The following PDE1C variants were observed in gnomAD, a reference collection of about 807,000 sequenced individuals.
PDE1C encodes dual specificity calcium/calmodulin-dependent 3',5'-cyclic nucleotide phosphodiesterase 1C.
PDE1C carries 62 observed loss-of-function variants against 93.1 expected under a neutral mutation model. That is an observed-to-expected ratio of 0.67 (90% CI 0.54 to 0.82). The LOEUF (loss-of-function observed/expected upper bound fraction) is 0.82, where lower values mean the gene tolerates loss of function less well. Among genes scored for constraint, PDE1C ranks in the 40% least tolerant of loss-of-function variants. The probability of loss-of-function intolerance (pLI) is 0.00; values close to 1 mark genes in which losing one functional copy is unlikely to be tolerated. For missense variants in PDE1C, 742 were observed against 884.6 expected (o/e 0.84, Z 2.04); for synonymous variants, 325 against 310.1 (o/e 1.05, Z -0.50).
At chr7:32,257,020 C>T (rs1809847559) in intron 1 of PDE1C, among the ~76,000 whole-genome samples, 1 of 152,122 alleles carries the variant, frequency 6.6e-6, no homozygotes, top group Non-Finnish European at 1.5e-5. Context: ...CTGCATTCCA[C>T]AAGCATATGC....
chr7:32,404,849 C>T (rs931059371), intron 1 of PDE1C, among the ~76,000 whole-genome samples: 3 of 152,198 alleles, frequency 2.0e-5, no homozygotes, highest in South Asian at 2.1e-4. Context: ...CATGAACTGG[C>T]GTTGCACAGG....
Position 31,909,942 on chromosome 7 carries a change from C to T in PDE1C, c.129-29082G>A, listed in dbSNP as rs553129121. Among the ~76,000 whole-genome samples, 21 of 152,250 alleles carry T rather than the reference C, an allele frequency of 1.4e-4. 1 individual carries two copies. The highest frequency in any genetic ancestry group is 5.1e-4 in the African/African-American group (21 of 41,544). ...TGCAGTGTAGCATGTTTAACAATAT[C>T]CCTGGTCTCTACCCACGAGATGCCA... On this transcript the variant is annotated intron_variant, in intron 2 of 17. Coordinates refer to ENST00000396191, the MANE Select transcript of PDE1C (RefSeq NM_001191057.4).
chr7:32,083,169 G>A (rs1175184227), intron 3 of PDE1C, among the ~76,000 whole-genome samples: 1 of 152,210 alleles, frequency 6.6e-6, no homozygotes, highest in Non-Finnish European at 1.5e-5. Context: ...GGAGGATGAA[G>A]CTGAAAGCCA....
At chr7:31,957,305 T>C (rs1435223407) in intron 2 of PDE1C, among the ~76,000 whole-genome samples, 4 of 151,958 alleles carry the variant, frequency 2.6e-5, no homozygotes, top group Non-Finnish European at 5.9e-5. Flanking sequence ...AGCCAGCTTG[T>C]AGCTATCAGG....
chr7:31,980,977 T>C (rs2129059260), intron 2 of PDE1C, among the ~76,000 whole-genome samples: 1 of 152,252 alleles, frequency 6.6e-6, no homozygotes, highest in East Asian at 1.9e-4. Context: ...CTTAACTCAA[T>C]CACACATGCA....
At chr7:32,082,069 C>T (rs1029147394) in intron 3 of PDE1C, among the ~76,000 whole-genome samples, 2 of 152,244 alleles carry the variant, frequency 1.3e-5, no homozygotes, top group Non-Finnish European at 2.9e-5. Context: ...CATTGCCTCA[C>T]TCCAGAAGTG....
At chr7:32,048,906 AG>A (rs1792971955) in intron 2 of PDE1C, among the ~76,000 whole-genome samples, 1 of 152,184 alleles carries the variant, frequency 6.6e-6, no homozygotes, top group African/African-American at 2.4e-5. Context: ...AAATAAAAAA[AG>A]GCAACAGCAT....
upstream of PDE1C, chr7:32,070,948 C>T: frequency 1.0e-6 from 1 of 985,476 alleles, no homozygotes; most frequent in Non-Finnish European, 1.2e-6. Flanking sequence ...GCCGCGCCTG[C>T]CTTCGCGCCC....
At chr7:31,846,812 C>A (rs1292677424) in intron 9 of PDE1C, among the ~76,000 whole-genome samples, 1 of 152,072 alleles carries the variant, frequency 6.6e-6, no homozygotes, top group African/African-American at 2.4e-5. Context: ...TTGAATTGCT[C>A]TGCATTTTTC....
intron 1 of PDE1C, among the ~76,000 whole-genome samples, chr7:32,227,332 C>T (rs375452450): frequency 2.1e-4 from 32 of 152,282 alleles, no homozygotes; most frequent in African/African-American, 6.7e-4. Context: ...ATACCACCCA[C>T]GACATGATGT....
chr7:31,869,803 A>G (rs1407092389), intron 6 of PDE1C, among the ~76,000 whole-genome samples: 1 of 152,118 alleles, frequency 6.6e-6, no homozygotes, highest in Non-Finnish European at 1.5e-5. Flanking sequence ...TCCAACAGCT[A>G]CAGAACACAA....
chr7:31,657,745 A>C, the PDE1C span, among the ~76,000 whole-genome samples: 3 of 152,204 alleles, frequency 2.0e-5, no homozygotes, highest in African/African-American at 7.2e-5. Flanking sequence ...CAGATCACAT[A>C]TTTGAAAATA....
intron 2 of PDE1C, among the ~76,000 whole-genome samples, chr7:31,937,555 T>G (rs1224893484): frequency 1.3e-5 from 2 of 152,136 alleles, no homozygotes; most frequent in African/African-American, 4.8e-5. Flanking sequence ...TGGGATCCCT[T>G]TGGCCAAGAG....
intron 3 of PDE1C, among the ~76,000 whole-genome samples, chr7:32,079,397 T>C (rs1453577686): frequency 6.6e-6 from 1 of 152,244 alleles, no homozygotes; most frequent in Non-Finnish European, 1.5e-5. Context: ...AAAAGGAATA[T>C]GATTTATTTA....
intron 1 of PDE1C, among the ~76,000 whole-genome samples, chr7:32,280,834 A>C (rs1175568994): frequency 5.3e-5 from 8 of 152,236 alleles, no homozygotes; most frequent in Admixed American, 5.2e-4. Flanking sequence ...AAAATCAAAA[A>C]ATTATCAGAG....
intron 3 of PDE1C, among the ~76,000 whole-genome samples, chr7:32,140,835 T>G (rs909741186): frequency 3.9e-5 from 6 of 152,008 alleles, no homozygotes; most frequent in Non-Finnish European, 8.8e-5. Context: ...AGGCAGGGAG[T>G]GAATCCAGCA....
At chr7:32,126,918 C>T (rs529081674) in intron 3 of PDE1C, among the ~76,000 whole-genome samples, 1 of 149,434 alleles carries the variant, frequency 6.7e-6, no homozygotes, top group South Asian at 2.2e-4. Flanking sequence ...CCACAAGATG[C>T]CCAAACATTT....
At chr7:31,749,948 G>T (rs957908853), downstream of PDE1C, among the ~76,000 whole-genome samples, 1 of 151,976 alleles carries the variant, frequency 6.6e-6, no homozygotes, top group Non-Finnish European at 1.5e-5. Context: ...ATATTGGATA[G>T]GCTGGTCTCG....
chr7:31,719,027 A>G, the PDE1C span, among the ~76,000 whole-genome samples: 1 of 152,250 alleles, frequency 6.6e-6, no homozygotes, highest in East Asian at 1.9e-4. Flanking sequence ...AGAGACAGCC[A>G]GGACGTTTGA....
Sources: gnomAD v4.1 joint callset for allele counts (sites outside exome capture counted in the v4.1 genomes callset) on GRCh38, gnomAD v4.1.1 for gene constraint, MANE v1.5 for transcripts, NCBI Gene and HGNC (gene_info 2026-07-23, HGNC 2026-07-21) for gene names.